ZNF81: variants seen among roughly 807,000 people sequenced by gnomAD.
The protein encoded by ZNF81 is zinc finger protein 81, also known as zinc finger protein 81 (HFZ20).
ZNF81 carries 5 observed loss-of-function variants against 32.3 expected under a neutral mutation model. The observed-to-expected ratio is 0.15, with a 90% CI of 0.08 to 0.33. The LOEUF (loss-of-function observed/expected upper bound fraction) is 0.33, where lower values mean the gene tolerates loss of function less well. ZNF81 is among the 10% of genes least tolerant of loss of function. The pLI, the probability that ZNF81 is intolerant of heterozygous loss-of-function variation, is 1.00. For missense variants in ZNF81, 379 were observed against 479.8 expected (o/e 0.79, Z 1.96); for synonymous variants, 163 against 166.8 (o/e 0.98, Z 0.17).
rs782136168 is a variant in ZNF81 at position 47,886,725 on chromosome X, A to C, written c.55-1274A>C. 3.6e-4 allele frequency among the ~76,000 whole-genome samples: 39 copies of C among 108,576 alleles called. 1 individual carries two copies. The highest frequency in any genetic ancestry group is 1.2e-3 in the African/African-American group (37 of 29,712). 94.3% of individuals were successfully genotyped at this position (108,576 alleles called of 115,157 possible). A position where few individuals can be genotyped will look rare whatever the true frequency, so the allele number is the denominator to read the frequency against. ...TCAGTCTTCCCGCCTCAGCCTCCCAAGTAGCCGGGACCACAGGCATGTACC... is the reference window on the plus strand; with the variant it reads ...TCAGTCTTCCCGCCTCAGCCTCCCACGTAGCCGGGACCACAGGCATGTACC... On this transcript the variant is annotated intron_variant, in intron 2 of 4. Transcript: ENST00000338637.
At chrX:47,854,805 A>G (rs1292303461) in intron 2 of ZNF81, among the ~76,000 whole-genome samples, 1 of 111,914 alleles carries the variant, frequency 8.9e-6, no homozygotes, top group African/African-American at 3.2e-5. Flanking sequence ...CATAACAGAT[A>G]TAATAATAGG....
At chrX:47,882,941 A>G (rs900267336) in intron 2 of ZNF81, among the ~76,000 whole-genome samples, 2 of 112,852 alleles carry the variant, frequency 1.8e-5, no homozygotes, top group Non-Finnish European at 3.7e-5. Context: ...CAGTGAGCCA[A>G]GATCACACCA....
chrX:47,872,299 T>C (rs2058583409), intron 2 of ZNF81, among the ~76,000 whole-genome samples: 1 of 112,040 alleles, frequency 8.9e-6, no homozygotes, highest in Non-Finnish European at 1.9e-5. Flanking sequence ...AAGCAAGGAA[T>C]TGTAACAAAG....
chrX:47,895,798 G>A (rs1556887101), intron 3 of ZNF81, 47 bp from the exon 4 acceptor site: 1 of 993,153 alleles, frequency 1.0e-6, no homozygotes, highest in Non-Finnish European at 1.4e-6. Context: ...AAGAACAAAT[G>A]GAAAGCAATT....
At chrX:47,867,150 TG>T (rs1211503573) in intron 2 of ZNF81, among the ~76,000 whole-genome samples, 2 of 111,626 alleles carry the variant, frequency 1.8e-5, no homozygotes, top group African/African-American at 6.5e-5. Context: ...TAATGCATGC[TG>T]GGCTTAATAC....
chrX:47,843,167 T>C (rs2058456825), intron 1 of ZNF81, among the ~76,000 whole-genome samples: 1 of 111,483 alleles, frequency 9.0e-6, no homozygotes, highest in Non-Finnish European at 1.9e-5. Context: ...CTGTACTTCT[T>C]TTTTATTACC....
At position 47,917,175 on chromosome X, in the gene ZNF81, C is replaced by T; in HGVS notation, c.*543C>T. 1 of 293,071 alleles carries T rather than the reference C, an allele frequency of 3.4e-6. No individual in the cohort carries two copies. Among genetic ancestry groups the T allele is most frequent in the Non-Finnish European group, 6.0e-6 (1 of 167,558 alleles). 24.2% of individuals were successfully genotyped at this position (293,071 alleles called of 1,213,427 possible). ...AATTATGTCCATCAAATGTTTCTTA[C>T]TGAATATGTCTATCAAATATGTTTC... On this transcript the variant is annotated 3_prime_UTR_variant, in exon 5 of 5. Coordinates refer to ENST00000338637, the MANE Select transcript of ZNF81 (RefSeq NM_007137.5).
At position 47,893,879 on chromosome X, in the gene ZNF81, A is replaced by G. The variant is rs975709940; in HGVS notation, c.182-1966A>G. Among the ~76,000 whole-genome samples the G allele has an allele frequency of 7.2e-5, 8 of 110,664 alleles. No individual in the cohort carries two copies. In the East Asian group the frequency reaches 8.6e-4, roughly 12 times the overall value. On this transcript the variant is annotated intron_variant, in intron 3 of 4. Coordinates refer to ENST00000338637, the MANE Select transcript of ZNF81 (RefSeq NM_007137.5). ...AGAGGCTCAGGAGTTGGACTCATCA[A>G]TGGGTCCCCAATCAGTCAGGAGTGA...
chrX:47,919,068 C>T lies in ZNF81; in HGVS notation c.*2436C>T. On this transcript the variant is annotated 3_prime_UTR_variant, in exon 5 of 5. Transcript: ENST00000338637. ...CCACACCTGAACCTGATACAGAAGA[C>T]TTGAGATTCTGGATTGGAGCTTGAT... The T allele has an allele frequency of 3.2e-6, 1 of 312,671 alleles. No individual in the cohort carries two copies. Among genetic ancestry groups the T allele is most frequent in the East Asian group, 1.0e-4 (1 of 9,983 alleles). The allele number at this position is 312,671 out of a possible 1,213,427, so 25.8% of individuals were successfully genotyped here.
chrX:47,845,968 G>A lies in ZNF81; in HGVS notation c.-163-137G>A, dbSNP rs782722200. On this transcript the variant is annotated intron_variant, in intron 1 of 4. Coordinates refer to ENST00000338637, the MANE Select transcript of ZNF81 (RefSeq NM_007137.5). ...CTCTTGCTCATATTCTATTTTAATT[G>A]ATAAGCAGAATATGTGTTTCTTGGA... 1.6e-4 allele frequency: 54 copies of A among 336,780 alleles called. No homozygotes were observed. The South Asian group carries it at 2.1e-3, about 13-fold the overall frequency. The allele number at this position is 336,780 out of a possible 1,213,427, so 27.8% of individuals were successfully genotyped here.
At chrX:47,882,601 G>A (rs782263384) in intron 2 of ZNF81, among the ~76,000 whole-genome samples, 1 of 112,790 alleles carries the variant, frequency 8.9e-6, no homozygotes, top group East Asian at 2.8e-4. Flanking sequence ...TCTTATATAA[G>A]TTTTCTGAGG....
chrX:47,853,424 C>T (rs1556881494), intron 2 of ZNF81, among the ~76,000 whole-genome samples: 1 of 111,992 alleles, frequency 8.9e-6, no homozygotes, highest in Non-Finnish European at 1.9e-5. Context: ...TCGTGATCTG[C>T]CTGCCTTGGC....
chrX:47,850,889 G>A (rs201214890), intron 2 of ZNF81, among the ~76,000 whole-genome samples: 399 of 27,007 alleles, frequency 0.015, 7 homozygotes, highest in African/African-American at 0.028. Flanking sequence ...ACAGGCACGC[G>A]CGCACACACA....
intron 2 of ZNF81, among the ~76,000 whole-genome samples, chrX:47,853,472 G>T (rs782628746): frequency 8.9e-6 from 1 of 111,842 alleles, no homozygotes; most frequent in Non-Finnish European, 1.9e-5. Context: ...GAGCCACCGT[G>T]CCCGGCCGAT....
rs782661971 is a variant in ZNF81 at position 47,888,091 on chromosome X, A to G, written c.147A>G (p.Val49=). 160 of 1,208,069 alleles carry G rather than the reference A, an allele frequency of 1.3e-4. No homozygotes were observed. The South Asian group carries it at 2.6e-3, about 20-fold the overall frequency. ...CTCAAAGACGCCTGTACCAGGATGT[A>G]ATGTTGGAGAACTACAGCCACCTGC... ...DSTQRRLYQD[V]MLENYSHLLS... Residue 49 remains valine, a synonymous_variant, in exon 3 of 5, where the codon GTA becomes GTG. Transcript: ENST00000338637.
chrX:47,885,792 T>C (rs1181518441), intron 2 of ZNF81, among the ~76,000 whole-genome samples: 2 of 112,090 alleles, frequency 1.8e-5, no homozygotes, highest in Non-Finnish European at 3.8e-5. Flanking sequence ...TACCTCTTAA[T>C]ACTGTTACAT....
chrX:47,912,640 C>T (rs1349070535), intron 4 of ZNF81, among the ~76,000 whole-genome samples: 1 of 109,153 alleles, frequency 9.2e-6, no homozygotes, highest in Non-Finnish European at 1.9e-5. Flanking sequence ...GGAATCCAAG[C>T]TCCTTCCAAC....
At chrX:47,891,392 T>C (rs2058661736) in intron 3 of ZNF81, among the ~76,000 whole-genome samples, 1 of 112,373 alleles carries the variant, frequency 8.9e-6, no homozygotes, top group African/African-American at 3.2e-5. Flanking sequence ...GGGGATGTGG[T>C]GGGAATCACC....
At chrX:47,914,445 C>T (rs1320903989) in intron 4 of ZNF81, among the ~76,000 whole-genome samples, 1 of 111,980 alleles carries the variant, frequency 8.9e-6, no homozygotes, top group East Asian at 2.8e-4. Flanking sequence ...CGTTGTAGTG[C>T]AATGCATTAC....
Sources: gnomAD v4.1 joint callset for allele counts (sites outside exome capture counted in the v4.1 genomes callset) on GRCh38, gnomAD v4.1.1 for gene constraint, MANE v1.5 for transcripts, NCBI Gene and HGNC (gene_info 2026-07-23, HGNC 2026-07-21) for gene names.